ACER2: variants seen among roughly 807,000 people sequenced by gnomAD.
ACER2 encodes alkCDase 2.
In ACER2, 26 loss-of-function variants were observed where a neutral mutation model predicts 34.7. That is an observed-to-expected ratio of 0.75 (90% CI 0.55 to 1.04). The LOEUF is 1.04. ACER2 is among the 50% of genes least tolerant of loss of function. The pLI, the probability that ACER2 is intolerant of heterozygous loss-of-function variation, is 0.00. For missense variants in ACER2, 352 were observed against 340.8 expected (o/e 1.03, Z -0.26); for synonymous variants, 138 against 132.1 (o/e 1.04, Z -0.31).
intron 5 of ACER2, 94 bp downstream of exon 5, chr9:19,446,512 T>C: frequency 6.3e-7 from 1 of 1,576,440 alleles, no homozygotes; most frequent in Non-Finnish European, 8.6e-7. Context: ...ACAGGTGTCC[T>C]GTGGGTTGCT....
chr9:19,424,355 A>G (rs1307354452), intron 2 of ACER2: 3 of 984,598 alleles, frequency 3.0e-6, no homozygotes, highest in Non-Finnish European at 3.6e-6. Flanking sequence ...TGTCATTTCC[A>G]TTTCCTCCCA....
At chr9:19,412,635 C>T (rs772842195) in intron 1 of ACER2, among the ~76,000 whole-genome samples, 1 of 127,156 alleles carries the variant, frequency 7.9e-6, no homozygotes, top group Non-Finnish European at 1.6e-5. Context: ...CTAGCCTGGG[C>T]AACAGAGCAA....
At chr9:19,434,168 G>C (rs1228500863) in intron 3 of ACER2, among the ~76,000 whole-genome samples, 2 of 147,460 alleles carry the variant, frequency 1.4e-5, no homozygotes, top group Non-Finnish European at 3.0e-5. Flanking sequence ...CCACATCCCA[G>C]ATGATGGGCG....
Position 19,423,317 on chromosome 9 carries a change from C to T in ACER2, c.109-545C>T, listed in dbSNP as rs557543360. On this transcript the variant is annotated intron_variant, in intron 1 of 5. Transcript: ENST00000340967. ...TCCATAGACTGCAGTGTTTTTATAGCTACTCCTATGATCAAAGAAGCAGCA... is the reference window on the plus strand; with the variant it reads ...TCCATAGACTGCAGTGTTTTTATAGTTACTCCTATGATCAAAGAAGCAGCA... Among the ~76,000 whole-genome samples the T allele has an allele frequency of 2.0e-5, 3 of 152,262 alleles. No homozygotes were observed. The South Asian group carries it at 6.2e-4, about 32-fold the overall frequency.
intron 1 of ACER2, among the ~76,000 whole-genome samples, chr9:19,423,058 G>A (rs1331765552): frequency 1.3e-5 from 2 of 150,426 alleles, no homozygotes; most frequent in South Asian, 2.1e-4. Context: ...AAAAGTAAAT[G>A]GAGCCAGGCA....
At chr9:19,435,431 G>A (rs1226313866) in intron 4 of ACER2, among the ~76,000 whole-genome samples, 1 of 152,196 alleles carries the variant, frequency 6.6e-6, no homozygotes, top group East Asian at 1.9e-4. Flanking sequence ...AAAGAGGAAG[G>A]GGGCAGGGAA....
At chr9:19,414,544 A>T (rs1000438450) in intron 1 of ACER2, among the ~76,000 whole-genome samples, 4 of 152,172 alleles carry the variant, frequency 2.6e-5, no homozygotes, top group Non-Finnish European at 5.9e-5. Context: ...GTACTTTAGG[A>T]GGCTGAGGCT....
intron 1 of ACER2, among the ~76,000 whole-genome samples, chr9:19,415,948 C>T (rs954577927): frequency 1.3e-5 from 2 of 151,708 alleles, no homozygotes; most frequent in Non-Finnish European, 2.9e-5. Flanking sequence ...AAGGAAGCTG[C>T]ACGATGGGAA....
chr9:19,409,047 A>C lies in ACER2; in HGVS notation c.-38A>C, dbSNP rs1367391007. The stretch of plus-strand genomic sequence containing the variant: ...TCCGCAGCAGCTCTGGGCTCTTCTC[A>C]GCTGCGCGAGCAGCTGCTCCAATGC... On this transcript the variant is annotated 5_prime_UTR_variant, in exon 1 of 6. Coordinates refer to ENST00000340967, the MANE Select transcript of ACER2 (RefSeq NM_001010887.3). The C allele has an allele frequency of 6.5e-7, 1 of 1,527,304 alleles. No homozygotes were observed. Among genetic ancestry groups the C allele is most frequent in the Non-Finnish European group, 8.8e-7 (1 of 1,132,858 alleles). The allele number at this position is 1,527,304 out of a possible 1,614,324, so 94.6% of individuals were successfully genotyped here.
In ACER2 at chr9:19,424,689, A is replaced by G. The variant is rs1481567575; in HGVS notation, c.224-11A>G. 6.2e-7 allele frequency: 1 copy of G among 1,612,578 alleles called. No homozygotes were observed. The stretch of plus-strand genomic sequence containing the variant: ...TGGTGACCTTTTTTTATTGGTTGTA[A>G]TTGATTCTAGGAATTGGATCCGTCT... On this transcript the variant is annotated splice_polypyrimidine_tract_variant and intron_variant, in intron 2 of 5. Transcript: ENST00000340967.
intron 3 of ACER2, among the ~76,000 whole-genome samples, chr9:19,427,371 A>T (rs7027076): frequency 0.25 from 38,034 of 152,072 alleles, 5,695 homozygotes; most frequent in African/African-American, 0.42. Flanking sequence ...GAAAAGTAAA[A>T]AAGGATTTCA....
chr9:19,436,592 G>T (rs369352774), intron 4 of ACER2, among the ~76,000 whole-genome samples: 7 of 151,026 alleles, frequency 4.6e-5, no homozygotes, highest in Admixed American at 3.9e-4. Flanking sequence ...GCTCATTCTC[G>T]TATGAGTTAA....
chr9:19,433,961 C>A (rs887774248), intron 3 of ACER2, among the ~76,000 whole-genome samples: 16 of 150,780 alleles, frequency 1.1e-4, no homozygotes, highest in East Asian at 1.9e-4. Context: ...CTGACCCCCC[C>A]ACCTCCCTCC....
intron 4 of ACER2, among the ~76,000 whole-genome samples, chr9:19,444,164 AAAAAG>A (rs1301735046): frequency 3.2e-4 from 48 of 150,842 alleles, no homozygotes; most frequent in Middle Eastern, 3.4e-3. Context: ...TAAAAAAAAA[AAAAAG>A]AAAAGAAAAA....
At chr9:19,426,190 C>A (rs550324136) in intron 3 of ACER2, among the ~76,000 whole-genome samples, 1 of 151,114 alleles carries the variant, frequency 6.6e-6, no homozygotes, top group African/African-American at 2.4e-5. Context: ...GAGGAACAGC[C>A]GCTTTTACCT....
intron 3 of ACER2, among the ~76,000 whole-genome samples, chr9:19,430,778 T>C (rs1235034458): frequency 6.6e-6 from 1 of 151,994 alleles, no homozygotes; most frequent in African/African-American, 2.4e-5. Context: ...GCCAGCATGG[T>C]GAAACCCCAT....
intron 4 of ACER2, among the ~76,000 whole-genome samples, chr9:19,436,953 T>G (rs546499344): frequency 6.6e-6 from 1 of 152,376 alleles, no homozygotes. Flanking sequence ...CCTCTCTGAA[T>G]TTTCTTCTTT....
chr9:19,450,448 A>G lies in ACER2; in HGVS notation c.642-2A>G. 6.3e-7 allele frequency: 1 copy of G among 1,587,462 alleles called. No homozygotes were observed. ...GTTCTCACCTCTTGTCTCCCTCTGC[A>G]GGCACATCCTCATCTGCCTTGCTGC... On this transcript the variant is annotated splice_acceptor_variant, in intron 5 of 5. Coordinates refer to ENST00000340967, the MANE Select transcript of ACER2 (RefSeq NM_001010887.3). LOFTEE classifies it high-confidence loss of function.
rs55690063 is a variant in ACER2 at position 19,439,344 on chromosome 9, C to CTTTTTTTTT, written c.503+4265_503+4273dup. ...GCTGCTCCCTCTCTAAAGGGGCTTGCTTTTTTTTTTTTTGGAGACGTAGTC... is the reference window on the plus strand; with the variant it reads ...GCTGCTCCCTCTCTAAAGGGGCTTGCTTTTTTTTTTTTTTTTTTTTTTGGAGACGTAGTC... On this transcript the variant is annotated intron_variant, in intron 4 of 5. Transcript: ENST00000340967. Among the ~76,000 whole-genome samples the CTTTTTTTTT allele has an allele frequency of 3.0e-4, 41 of 138,756 alleles. 2 individuals carry two copies. Among genetic ancestry groups the CTTTTTTTTT allele is most frequent in the Middle Eastern group, 7.6e-3 (2 of 262 alleles). 91.0% of individuals were successfully genotyped at this position (138,756 alleles called of 152,430 possible). A position where few individuals can be genotyped will look rare whatever the true frequency, so the allele number is the denominator to read the frequency against.
Sources: gnomAD v4.1 joint callset for allele counts (sites outside exome capture counted in the v4.1 genomes callset) on GRCh38, gnomAD v4.1.1 for gene constraint, MANE v1.5 for transcripts, NCBI Gene and HGNC (gene_info 2026-07-23, HGNC 2026-07-21) for gene names.